The following TNFRSF21 variants were observed in gnomAD, a reference collection of about 807,000 sequenced individuals.
TNFRSF21 encodes the protein TNF receptor superfamily member 21, also known as tumor necrosis factor receptor superfamily member 21.
A neutral mutation model predicts 45.6 loss-of-function variants in TNFRSF21; 19 were observed. The observed-to-expected ratio is 0.42, with a 90% confidence interval of 0.29 to 0.61. The LOEUF is 0.61. Among genes scored for constraint, TNFRSF21 ranks in the 20% least tolerant of loss-of-function variants. The pLI is 0.23. For synonymous variants in TNFRSF21, 314 were observed against 335.5 expected, an observed-to-expected ratio of 0.94 and a Z score of 0.70; for missense variants, 737 against 851.5, an observed-to-expected ratio of 0.87 and a Z score of 1.67.
At chr6:47,270,327 T>C (rs190981324) in intron 3 of TNFRSF21, among the ~76,000 whole-genome samples, 8 of 152,290 alleles carry the variant, frequency 5.3e-5, no homozygotes, top group African/African-American at 1.9e-4. Context: ...TGTTCTGCAA[T>C]ATTTGCCGTT....
chr6:47,253,420 A>C lies in TNFRSF21; in HGVS notation c.1345T>G (p.Ser449Ala), dbSNP rs1764933597. Residue 449 changes from serine to alanine, a missense_variant, in exon 4 of 6, where the codon TCC becomes GCC. Ser to Ala is a moderately conservative substitution (Grantham distance 99). Transcript: ENST00000296861. ...TCGTGGTCGGCTGTGTACCCATTGG[A>C]GAAAGCAGCAACCTCCCTCTCACTG... ...NASEREVAAF[S>A]NGYTADHERA... The C allele has an allele frequency of 3.7e-6, 6 of 1,614,068 alleles. No homozygotes were observed. The highest frequency in any genetic ancestry group is 1.6e-4 in the Middle Eastern group (1 of 6,084).
At chr6:47,239,321 GC>G (rs1270831229) in intron 4 of TNFRSF21, among the ~76,000 whole-genome samples, 1 of 138,040 alleles carries the variant, frequency 7.2e-6, no homozygotes, top group East Asian at 2.1e-4. Context: ...GGAAACTGAA[GC>G]CCAAAAATAA....
At chr6:47,275,821 G>A (rs1762488453) in intron 3 of TNFRSF21, among the ~76,000 whole-genome samples, 1 of 152,088 alleles carries the variant, frequency 6.6e-6, no homozygotes, top group Non-Finnish European at 1.5e-5. Flanking sequence ...ATGTTGCAGT[G>A]AGCACACAAT....
chr6:47,291,451 AC>A (rs1762728429), intron 1 of TNFRSF21, among the ~76,000 whole-genome samples: 1 of 152,188 alleles, frequency 6.6e-6, no homozygotes, highest in South Asian at 2.1e-4. Flanking sequence ...GGTGGTGGTG[AC>A]TCAGACTAGG....
chr6:47,282,935 T>A (rs1762590975), intron 3 of TNFRSF21, among the ~76,000 whole-genome samples: 1 of 152,236 alleles, frequency 6.6e-6, no homozygotes, highest in Non-Finnish European at 1.5e-5. Flanking sequence ...AAGTTTAAGA[T>A]CTTTGTGCTT....
intron 4 of TNFRSF21, 125 bp downstream of exon 4, chr6:47,253,131 C>CCT (rs1764925397): frequency 3.4e-5 from 35 of 1,017,860 alleles, no homozygotes; most frequent in Non-Finnish European, 4.9e-5. Flanking sequence ...CAGGCGTATG[C>CCT]GTGTGTGTGT....
At chr6:47,260,325 G>T (rs1765055765) in intron 3 of TNFRSF21, among the ~76,000 whole-genome samples, 1 of 152,168 alleles carries the variant, frequency 6.6e-6, no homozygotes, top group Non-Finnish European at 1.5e-5. Context: ...CACATGCAGG[G>T]CATCACAGCA....
rs566823975 is a variant in TNFRSF21, at chr6:47,293,287, C to A, written c.97-6692G>T. Among the ~76,000 whole-genome samples the A allele has an allele frequency of 4.6e-5, 7 of 152,264 alleles. No individual in the cohort carries two copies. In the South Asian group the frequency reaches 1.0e-3, roughly 23 times the overall value. ...GCACAACTACCTCAATAATGAAGATCGTGGGAATAAGAAGCAAAGCATTCT... is the reference window on the plus strand; with the variant it reads ...GCACAACTACCTCAATAATGAAGATAGTGGGAATAAGAAGCAAAGCATTCT... On this transcript the variant is annotated intron_variant, in intron 1 of 5. Transcript: ENST00000296861.
chr6:47,292,127 T>C (rs1166624288), intron 1 of TNFRSF21, among the ~76,000 whole-genome samples: 2 of 152,040 alleles, frequency 1.3e-5, no homozygotes, highest in East Asian at 3.9e-4. Context: ...AAAAGTGGCA[T>C]TTAAGAATAG....
chr6:47,304,363 A>G (rs1210143299), intron 1 of TNFRSF21, among the ~76,000 whole-genome samples: 6 of 152,122 alleles, frequency 3.9e-5, no homozygotes, highest in Non-Finnish European at 7.3e-5. Flanking sequence ...CCAGCTGAAC[A>G]CAAAATTAAT....
intron 1 of TNFRSF21, among the ~76,000 whole-genome samples, chr6:47,290,734 G>C (rs1000755387): frequency 3.3e-5 from 5 of 152,180 alleles, no homozygotes; most frequent in Non-Finnish European, 5.9e-5. Context: ...CCCGCAAGCA[G>C]AGCCAACAAA....
chr6:47,258,834 T>C (rs1765027890), intron 3 of TNFRSF21, among the ~76,000 whole-genome samples: 2 of 152,138 alleles, frequency 1.3e-5, no homozygotes, highest in African/African-American at 2.4e-5. Flanking sequence ...CAGCAGTAAA[T>C]ATTTGAGGCT....
chr6:47,248,432 G>A (rs1006122945), intron 4 of TNFRSF21, among the ~76,000 whole-genome samples: 2 of 152,106 alleles, frequency 1.3e-5, no homozygotes, highest in African/African-American at 4.8e-5. Flanking sequence ...CGCAGGGAAA[G>A]AGTGCACTGG....
At chr6:47,264,494 G>A (rs184137112) in intron 3 of TNFRSF21, among the ~76,000 whole-genome samples, 6 of 152,214 alleles carry the variant, frequency 3.9e-5, no homozygotes, top group Admixed American at 3.9e-4. Flanking sequence ...CAGCCTGGGC[G>A]ACAGAGCAAG....
chr6:47,305,397 T>C (rs1385969649), intron 1 of TNFRSF21, among the ~76,000 whole-genome samples: 1 of 152,226 alleles, frequency 6.6e-6, no homozygotes, highest in Non-Finnish European at 1.5e-5. Flanking sequence ...TCAGTATTTT[T>C]TATGCTCCCT....
Position 47,286,274 on chromosome 6 carries a change from A to G in TNFRSF21, c.418T>C (p.Ser140Pro). The change falls in exon 2 of 6, where the codon TCT becomes CCT. Residue 140 changes from serine to proline, a missense_variant. By Grantham distance (74) the Ser-to-Pro change is moderately conservative. Coordinates refer to ENST00000296861, the MANE Select transcript of TNFRSF21 (RefSeq NM_014452.5). ...GTATGGGGGGCACAGGTAGCGTTAGACTGGAACATGCCAGGTGGGCAAGTG... is the reference window on the plus strand; with the variant it reads ...GTATGGGGGGCACAGGTAGCGTTAGGCTGGAACATGCCAGGTGGGCAAGTG... ...ECTCPPGMFQ[S>P]NATCAPHTVC... The G allele has an allele frequency of 1.2e-6, 2 of 1,614,144 alleles. No individual in the cohort carries two copies. Among genetic ancestry groups the G allele is most frequent in the Non-Finnish European group, 1.7e-6 (2 of 1,180,014 alleles).
At chr6:47,275,792 C>T (rs1435317161) in intron 3 of TNFRSF21, among the ~76,000 whole-genome samples, 1 of 152,150 alleles carries the variant, frequency 6.6e-6, no homozygotes, top group African/African-American at 2.4e-5. Flanking sequence ...CGTTCAAAAG[C>T]CTGGGGGAAA....
intron 1 of TNFRSF21, among the ~76,000 whole-genome samples, chr6:47,308,531 G>T (rs775923492): frequency 7.9e-5 from 12 of 152,258 alleles, no homozygotes; most frequent in Non-Finnish European, 1.5e-4. Context: ...GGGAATTTGG[G>T]GGAAGTTGAG....
At position 47,270,443 on chromosome 6, in the gene TNFRSF21, A is replaced by G. The variant is rs373015416; in HGVS notation, c.1243+13495T>C. Among the ~76,000 whole-genome samples, 6 of 152,366 alleles carry G rather than the reference A, an allele frequency of 3.9e-5. No individual in the cohort carries two copies. The East Asian group carries it at 7.7e-4, about 20-fold the overall frequency. ...GGACCTGACTGTTAGAAGGAAAACT[A>G]ACAAACAGAAATGAATAGCATCAAC... On this transcript the variant is annotated intron_variant, in intron 3 of 5. Transcript: ENST00000296861.
Sources: gnomAD v4.1 joint callset for allele counts (sites outside exome capture counted in the v4.1 genomes callset) on GRCh38, gnomAD v4.1.1 for gene constraint, MANE v1.5 for transcripts, NCBI Gene and HGNC (gene_info 2026-07-23, HGNC 2026-07-21) for gene names.